Variants in ARHGEF28 observed in about 807,000 individuals in gnomAD.
ARHGEF28 encodes the protein 190 kDa guanine nucleotide exchange factor.
A neutral mutation model predicts 206.6 loss-of-function variants in ARHGEF28; 152 were observed. The ratio of observed to expected loss-of-function variants is 0.74; its 90% CI spans 0.64 to 0.84. The LOEUF is 0.84. ARHGEF28 is among the 40% of genes least tolerant of loss of function. The pLI, the probability that ARHGEF28 is intolerant of heterozygous loss-of-function variation, is 0.00. For synonymous variants in ARHGEF28, 763 were observed against 776.4 expected, an observed-to-expected ratio of 0.98 and a Z score of 0.29; for missense variants, 2,028 against 2,073.2, an observed-to-expected ratio of 0.98 and a Z score of 0.42.
At chr5:73,779,413 TA>T (rs1477848265) in intron 6 of ARHGEF28, among the ~76,000 whole-genome samples, 1 of 152,216 alleles carries the variant, frequency 6.6e-6, no homozygotes, top group African/African-American at 2.4e-5. Context: ...CTTATAAGGA[TA>T]AAAATTAAGT....
intron 1 of ARHGEF28, among the ~76,000 whole-genome samples, chr5:73,661,662 T>C (rs1745605140): frequency 6.6e-6 from 1 of 151,984 alleles, no homozygotes; most frequent in African/African-American, 2.4e-5. Context: ...ATTTCAATAT[T>C]GTGTCTCAGG....
chr5:73,929,494 T>C (rs911001348), intron 35 of ARHGEF28, among the ~76,000 whole-genome samples: 13 of 127,690 alleles, frequency 1.0e-4, no homozygotes, highest in Non-Finnish European at 1.8e-4. Flanking sequence ...TGTGTGTGTA[T>C]ACTTTTCACA....
At chr5:73,763,779 G>A (rs1476241748) in intron 4 of ARHGEF28, among the ~76,000 whole-genome samples, 1 of 152,072 alleles carries the variant, frequency 6.6e-6, no homozygotes, top group African/African-American at 2.4e-5. Flanking sequence ...AAAGGAGGAG[G>A]TATGCCATAA....
intron 2 of ARHGEF28, among the ~76,000 whole-genome samples, chr5:73,733,780 C>T (rs74583020): frequency 0.035 from 5,247 of 151,988 alleles, 319 homozygotes; most frequent in African/African-American, 0.12. Flanking sequence ...GAAGAAATAT[C>T]TCAGAGTGGG....
chr5:73,649,504 T>A (rs1744660802), intron 1 of ARHGEF28, among the ~76,000 whole-genome samples: 1 of 152,192 alleles, frequency 6.6e-6, no homozygotes, highest in African/African-American at 2.4e-5. Flanking sequence ...CATAAGGTGG[T>A]TTGACTGTCT....
intron 1 of ARHGEF28, among the ~76,000 whole-genome samples, chr5:73,646,595 C>A (rs1744439916): frequency 6.6e-6 from 1 of 152,192 alleles, no homozygotes; most frequent in African/African-American, 2.4e-5. Context: ...TCTGTTGTCT[C>A]CTCTGCCCCA....
chr5:73,685,698 C>T (rs1162428357), intron 2 of ARHGEF28, among the ~76,000 whole-genome samples: 1 of 152,162 alleles, frequency 6.6e-6, no homozygotes, highest in Non-Finnish European at 1.5e-5. Context: ...TCTAAGCTCA[C>T]TGCAAACTCC....
intron 35 of ARHGEF28, among the ~76,000 whole-genome samples, chr5:73,914,158 T>C (rs997964231): frequency 6.6e-5 from 10 of 152,162 alleles, no homozygotes; most frequent in Non-Finnish European, 1.0e-4. Context: ...CCAGTAATTA[T>C]ATGACACATC....
intron 7 of ARHGEF28, among the ~76,000 whole-genome samples, chr5:73,784,655 A>G (rs1258690925): frequency 6.6e-6 from 1 of 152,164 alleles, no homozygotes; most frequent in African/African-American, 2.4e-5. Flanking sequence ...GTTCCCTCTT[A>G]TCTTTGGGGG....
At chr5:73,705,987 T>C (rs1456176798) in intron 2 of ARHGEF28, among the ~76,000 whole-genome samples, 2 of 152,226 alleles carry the variant, frequency 1.3e-5, no homozygotes, top group Non-Finnish European at 2.9e-5. Flanking sequence ...GTTATTATGC[T>C]GGTACACTTA....
At chr5:73,866,269 G>A (rs1759701291) in intron 18 of ARHGEF28, among the ~76,000 whole-genome samples, 1 of 152,162 alleles carries the variant, frequency 6.6e-6, no homozygotes. Flanking sequence ...AGGTATTAAC[G>A]TGTTGCTTCA....
intron 6 of ARHGEF28, among the ~76,000 whole-genome samples, chr5:73,779,774 G>A (rs1198624557): frequency 1.3e-5 from 2 of 152,178 alleles, no homozygotes; most frequent in Non-Finnish European, 2.9e-5. Context: ...GGGCTGGGGT[G>A]AATTTACAGC....
chr5:73,681,212 T>C (rs1747079244), intron 1 of ARHGEF28, among the ~76,000 whole-genome samples: 1 of 152,158 alleles, frequency 6.6e-6, no homozygotes, highest in South Asian at 2.1e-4. Context: ...ACTGGAATTG[T>C]ATAAGGCATG....
rs544574091 is a variant in ARHGEF28 at position 73,941,137 on chromosome 5, T to A, written c.*124T>A. On this transcript the variant is annotated 3_prime_UTR_variant, in exon 36 of 36. Transcript: ENST00000513042. ...TTGCTTTAAGAATAATATTTAATAT[T>A]TCCTGGAAGCTCATTTTTTTGGCAT... 5.7e-5 allele frequency: 57 copies of A among 999,390 alleles called. No homozygotes were observed. The highest frequency in any genetic ancestry group is 2.3e-4 in the Middle Eastern group (1 of 4,366). 61.9% of individuals were successfully genotyped at this position (999,390 alleles called of 1,614,324 possible).
chr5:73,888,354 A>G (rs889676577), intron 26 of ARHGEF28, among the ~76,000 whole-genome samples: 2 of 152,270 alleles, frequency 1.3e-5, no homozygotes. Context: ...AGAAGTCTCT[A>G]TGTTCCCAAT....
intron 20 of ARHGEF28, among the ~76,000 whole-genome samples, chr5:73,868,578 T>G (rs780099262): frequency 6.6e-6 from 1 of 152,216 alleles, no homozygotes; most frequent in Non-Finnish European, 1.5e-5. Flanking sequence ...AAAAACATAC[T>G]TTAGTTAGTT....
At chr5:73,761,887 G>A (rs1360002498) in intron 4 of ARHGEF28, among the ~76,000 whole-genome samples, 1 of 151,840 alleles carries the variant, frequency 6.6e-6, no homozygotes, top group Non-Finnish European at 1.5e-5. Context: ...TTTAAGATGG[G>A]GTGTCGCTGT....
intron 35 of ARHGEF28, among the ~76,000 whole-genome samples, chr5:73,921,935 T>C (rs73762548): frequency 2.0e-5 from 3 of 152,314 alleles, no homozygotes; most frequent in African/African-American, 4.8e-5. Context: ...TCATACAGAA[T>C]GAATGTTGTA....
intron 35 of ARHGEF28, among the ~76,000 whole-genome samples, chr5:73,919,180 C>T (rs978531272): frequency 1.3e-5 from 2 of 152,112 alleles, no homozygotes; most frequent in Admixed American, 6.5e-5. Context: ...TAATGTATTC[C>T]GATTGTGATT....
Sources: allele counts gnomAD v4.1 joint callset (sites outside exome capture counted in the v4.1 genomes callset), GRCh38; gene constraint gnomAD v4.1.1; transcripts MANE v1.5; gene names NCBI Gene and HGNC (gene_info 2026-07-23, HGNC 2026-07-21).